Variants in IQSEC1 observed in about 807,000 individuals in gnomAD.
IQSEC1 encodes the protein IQ motif and Sec7 domain ArfGEF 1.
Under a neutral mutation model 91.0 loss-of-function variants are expected in IQSEC1, and 31 were observed. The observed-to-expected ratio is 0.34, with a 90% CI of 0.26 to 0.46. IQSEC1 has a LOEUF of 0.46. IQSEC1 is among the 20% of genes least tolerant of loss of function. The probability of loss-of-function intolerance (pLI) is 1.00; values close to 1 mark genes in which losing one functional copy is unlikely to be tolerated. For missense variants in IQSEC1, 1,388 were observed against 1,575.6 expected, an observed-to-expected ratio of 0.88 and a Z score of 2.02; for synonymous variants, 699 against 662.6, an observed-to-expected ratio of 1.05 and a Z score of -0.84.
intron 1 of IQSEC1, among the ~76,000 whole-genome samples, chr3:12,943,847 A>G (rs1306118879): frequency 6.6e-6 from 1 of 152,204 alleles, no homozygotes. Context: ...TTTGCTGCCA[A>G]TTCTGCCCTG....
intron 1 of IQSEC1, among the ~76,000 whole-genome samples, chr3:13,275,952 A>C (rs961046463): frequency 6.6e-6 from 1 of 152,238 alleles, no homozygotes; most frequent in Non-Finnish European, 1.5e-5. Context: ...AACATAGTAA[A>C]TATTCCAAAA....
chr3:13,042,657 C>T (rs1704325806), intron 1 of IQSEC1, among the ~76,000 whole-genome samples: 1 of 152,216 alleles, frequency 6.6e-6, no homozygotes, highest in South Asian at 2.1e-4. Flanking sequence ...GTCCCTGGGA[C>T]ACACCAAGGC....
intron 1 of IQSEC1, among the ~76,000 whole-genome samples, chr3:13,261,251 C>T (rs997212695): frequency 6.6e-5 from 10 of 152,278 alleles, no homozygotes; most frequent in Admixed American, 5.2e-4. Context: ...GCCAAGGTCA[C>T]GCCTCCCTCC....
At chr3:12,915,481 A>G in intron 7 of IQSEC1, 113 bp downstream of exon 7, 1 of 1,191,498 alleles carries the variant, frequency 8.4e-7, no homozygotes, top group Non-Finnish European at 1.2e-6. Context: ...AGAATTCACC[A>G]GCCCTGCTGG....
chr3:13,026,869 T>TTTTC (rs1559728137), intron 1 of IQSEC1, among the ~76,000 whole-genome samples: 1 of 46,560 alleles, frequency 2.1e-5, no homozygotes, highest in Non-Finnish European at 6.8e-5. Context: ...CCCCAGTTTT[T>TTTTC]TTTTTTTTTG....
intron 12 of IQSEC1, among the ~76,000 whole-genome samples, chr3:12,906,262 A>G (rs1457713862): frequency 6.6e-6 from 1 of 152,126 alleles, no homozygotes; most frequent in Non-Finnish European, 1.5e-5. Flanking sequence ...CCACAAGCTC[A>G]TCGTGGTGTT....
chr3:13,267,316 T>C (rs1695509016), intron 1 of IQSEC1, among the ~76,000 whole-genome samples: 1 of 152,240 alleles, frequency 6.6e-6, no homozygotes, highest in Non-Finnish European at 1.5e-5. Context: ...CTATTGTTTA[T>C]AAGCCACATA....
intron 1 of IQSEC1, among the ~76,000 whole-genome samples, chr3:13,170,650 G>A (rs1170568185): frequency 2.0e-5 from 3 of 152,242 alleles, no homozygotes; most frequent in African/African-American, 7.2e-5. Context: ...AGTCCAGTAG[G>A]AGGTTTTCAC....
At chr3:13,009,687 GTA>G (rs1491075963) in intron 1 of IQSEC1, among the ~76,000 whole-genome samples, 1 of 147,400 alleles carries the variant, frequency 6.8e-6, no homozygotes, top group South Asian at 2.2e-4. Flanking sequence ...GTGTGTGTGT[GTA>G]TGTACTTTGC....
At chr3:13,147,745 G>C (rs1706921353) in intron 2 of IQSEC1, among the ~76,000 whole-genome samples, 2 of 152,202 alleles carry the variant, frequency 1.3e-5, no homozygotes, top group Middle Eastern at 3.2e-3. Context: ...CGATCCTCCT[G>C]CCTCAGCCTC....
rs779283641 is a variant in IQSEC1, at chr3:12,935,499, T to C, written c.1517A>G (p.Asn506Ser). ...GTAGTGCCTCTTGCGGATGACATCG[T>C]TGCTAAAGGCAGGCGAGTCCCAGCT... is the stretch of plus-strand genomic sequence containing the variant. ...RNSWDSPAFS[N>S]DVIRKRHYRI... The change falls in exon 3 of 14, where the codon AAC (asparagine) becomes AGC (serine). Residue 506 changes from asparagine to serine, a missense_variant. Asn to Ser is a conservative substitution (Grantham distance 46). Coordinates refer to ENST00000613206, the MANE Select transcript of IQSEC1 (RefSeq NM_001134382.3). This position sits in a 1 kb window ranked among gnomAD's most constrained non-coding sequence, Gnocchi z 8.0. The C allele has an allele frequency of 3.1e-6, 5 of 1,613,888 alleles. No homozygotes were observed. Among genetic ancestry groups the C allele is most frequent in the Non-Finnish European group, 4.2e-6 (5 of 1,179,820 alleles).
chr3:12,920,722 C>A, intron 5 of IQSEC1, 126 bp from the exon 6 acceptor site: 1 of 1,010,772 alleles, frequency 9.9e-7, no homozygotes, highest in Non-Finnish European at 1.5e-6. Flanking sequence ...AGGATCACAC[C>A]TGCCTGTCGG....
intron 1 of IQSEC1, among the ~76,000 whole-genome samples, chr3:12,954,805 C>T (rs1699795807): frequency 6.6e-6 from 1 of 152,186 alleles, no homozygotes; most frequent in African/African-American, 2.4e-5. Context: ...GGGACCTGCA[C>T]AACCCTGGGA....
At chr3:13,009,835 G>A (rs1576159100) in intron 1 of IQSEC1, among the ~76,000 whole-genome samples, 2 of 152,042 alleles carry the variant, frequency 1.3e-5, no homozygotes, top group African/African-American at 2.4e-5. Context: ...CCAGTGTGGC[G>A]CCCGCCTCCT....
In IQSEC1 at chr3:13,066,228, G is replaced by A. The variant is rs888864569; in HGVS notation, c.23+6764C>T. On this transcript the variant is annotated intron_variant, in intron 1 of 13. Transcript: ENST00000613206. Reference sequence around the variant, plus strand: ...AATTAAAAAAGGCAAACATGTGGTCGATCTGCACAACGCAACAGTGTTCAG... The same window carrying A: ...AATTAAAAAAGGCAAACATGTGGTCAATCTGCACAACGCAACAGTGTTCAG... 6.3e-4 allele frequency among the ~76,000 whole-genome samples: 95 copies of A among 151,962 alleles called. 1 individual carries two copies. The highest frequency in any genetic ancestry group is 5.3e-3 in the Admixed American group (81 of 15,258).
chr3:13,109,944 G>A (rs545891970), intron 2 of IQSEC1, among the ~76,000 whole-genome samples: 59 of 147,852 alleles, frequency 4.0e-4, no homozygotes, highest in African/African-American at 1.0e-3. Flanking sequence ...GTGCAGTGGC[G>A]TGATCTCGGC....
intron 8 of IQSEC1, 82 bp from the exon 9 acceptor site, chr3:12,913,635 C>T: frequency 7.0e-7 from 1 of 1,437,274 alleles, no homozygotes; most frequent in Non-Finnish European, 9.4e-7. Flanking sequence ...AAGTCTAGCC[C>T]TTCAAGCTAG....
intron 1 of IQSEC1, among the ~76,000 whole-genome samples, chr3:12,965,485 T>C (rs1700504379): frequency 6.6e-6 from 1 of 152,184 alleles, no homozygotes; most frequent in East Asian, 1.9e-4. Context: ...TGGAACCACA[T>C]ACCAGGTGCT....
At chr3:13,054,429 CA>C (rs1044535190) in intron 1 of IQSEC1, among the ~76,000 whole-genome samples, 2 of 152,238 alleles carry the variant, frequency 1.3e-5, no homozygotes, top group African/African-American at 4.8e-5. Flanking sequence ...CCCTGTCCCC[CA>C]CACGCCAGGC....
Sources: allele counts gnomAD v4.1 joint callset (sites outside exome capture counted in the v4.1 genomes callset), GRCh38; gene constraint gnomAD v4.1.1; non-coding constraint Gnocchi (gnomAD v3.1); transcripts MANE v1.5; gene names NCBI Gene and HGNC (gene_info 2026-07-23, HGNC 2026-07-21).